DNAH11: variants seen among roughly 807,000 people sequenced by gnomAD.
DNAH11 encodes axonemal beta dynein heavy chain 11.
A neutral mutation model predicts 526.0 loss-of-function variants in DNAH11; 442 were observed. That is an observed-to-expected ratio of 0.84 (90% CI 0.78 to 0.91). DNAH11 has a LOEUF of 0.91. DNAH11 is among the 40% of genes least tolerant of loss of function. The probability of loss-of-function intolerance (pLI) is 0.00; values close to 1 mark genes in which losing one functional copy is unlikely to be tolerated. For missense variants in DNAH11, 6,989 were observed against 5,448.7 expected (o/e 1.28, Z -8.90); for synonymous variants, 2,461 against 1,935.9 (o/e 1.27, Z -7.12).
chr7:21,886,549 A>G (rs1177438508), intron 76 of DNAH11, among the ~76,000 whole-genome samples: 1 of 152,162 alleles, frequency 6.6e-6, no homozygotes, highest in Non-Finnish European at 1.5e-5. Flanking sequence ...TCCTCAGGAA[A>G]GGTCTGGGAG....
chr7:21,731,117 C>G (rs949265069), intron 45 of DNAH11, among the ~76,000 whole-genome samples: 2 of 151,808 alleles, frequency 1.3e-5, no homozygotes, highest in Non-Finnish European at 2.9e-5. Flanking sequence ...GGACTCCATC[C>G]TGGGCAACAA....
At position 21,650,540 on chromosome 7, in the gene DNAH11, G is replaced by A. The variant is rs193055389; in HGVS notation, c.4945-5292G>A. ...ATACTGATTTAACTAGCTTCTAGAA[G>A]GCCTTTTTTTTTTTTTTTTCCAATT... On this transcript the variant is annotated intron_variant, in intron 28 of 81. Coordinates refer to ENST00000409508, the MANE Select transcript of DNAH11 (RefSeq NM_001277115.2). Among the ~76,000 whole-genome samples, 357 of 138,056 alleles carry A rather than the reference G, an allele frequency of 2.6e-3. 1 individual carries two copies. Among genetic ancestry groups the A allele is most frequent in the African/African-American group, 9.8e-3 (341 of 34,860 alleles). The allele number at this position is 138,056 out of a possible 152,430, so 90.6% of individuals were successfully genotyped here. A position where few individuals can be genotyped will look rare whatever the true frequency, so the allele number is the denominator to read the frequency against.
At chr7:21,662,561 G>A (rs1443757888) in intron 30 of DNAH11, among the ~76,000 whole-genome samples, 2 of 152,034 alleles carry the variant, frequency 1.3e-5, no homozygotes, top group African/African-American at 2.4e-5. Flanking sequence ...ATGATGGAAT[G>A]GCTAAATCAG....
intron 68 of DNAH11, among the ~76,000 whole-genome samples, chr7:21,861,340 C>T (rs1783055833): frequency 6.6e-6 from 1 of 152,188 alleles, no homozygotes; most frequent in Admixed American, 6.5e-5. Flanking sequence ...CTTTTGTAAT[C>T]TTACGTGAAG....
At chr7:21,615,373 G>A (rs1280191382) in intron 21 of DNAH11, 101 bp downstream of exon 21, 1 of 1,291,154 alleles carries the variant, frequency 7.7e-7, no homozygotes, top group Non-Finnish European at 1.0e-6. Flanking sequence ...ATAATGTCTT[G>A]AAATATGTGG....
rs1789804608 is a variant in DNAH11, at chr7:21,816,612, C to T, written c.10478C>T (p.Pro3493Leu). 1 of 1,613,742 alleles carries T rather than the reference C, an allele frequency of 6.2e-7. No homozygotes were observed. The highest frequency in any genetic ancestry group is 2.2e-5 in the East Asian group (1 of 44,878). ...ATCCTAACACACTGTGAGCGCTGGC[C>T]TCTGGTGATAGATCCCCAGCAACAG... is the stretch of plus-strand genomic sequence containing the variant. ...AAILTHCERW[P>L]LVIDPQQQGI... The change falls in exon 64 of 82, where the codon CCT becomes CTT. Residue 3493 changes from proline (P) to leucine (L), a missense_variant. Coordinates refer to ENST00000409508, the MANE Select transcript of DNAH11 (RefSeq NM_001277115.2).
At position 21,601,596 on chromosome 7, in the gene DNAH11, A is replaced by C; in HGVS notation, c.3626A>C (p.Glu1209Ala). 1 of 1,594,346 alleles carries C rather than the reference A, an allele frequency of 6.3e-7. No homozygotes were observed. The highest frequency in any genetic ancestry group is 8.6e-7 in the Non-Finnish European group (1 of 1,165,910). The change falls in exon 18 of 82, where the codon GAG (glutamate) becomes GCG (alanine). Residue 1209 changes from glutamate (E) to alanine (A), a missense_variant. Coordinates refer to ENST00000409508, the MANE Select transcript of DNAH11 (RefSeq NM_001277115.2). ...LLESYGQKMP[E>A]QVYIQLEELP... ...GAAAGCTATGGCCAGAAGATGCCTG[A>C]GCAGGTCTATATTCAGCTAGAGGTA... is the stretch of plus-strand genomic sequence containing the variant.
At chr7:21,888,862 TTC>T (rs1784227238) in intron 76 of DNAH11, among the ~76,000 whole-genome samples, 1 of 152,216 alleles carries the variant, frequency 6.6e-6, no homozygotes, top group Non-Finnish European at 1.5e-5. Context: ...ATTCTATCGA[TTC>T]TTTTTGTTTT....
At chr7:21,614,967 C>A in intron 20 of DNAH11, 147 bp from the exon 21 acceptor site, 1 of 919,352 alleles carries the variant, frequency 1.1e-6, no homozygotes, top group Non-Finnish European at 1.6e-6. Context: ...CTAAAACCTA[C>A]ATTTTGCCAG....
chr7:21,810,342 C>T (rs1231101256), intron 63 of DNAH11, among the ~76,000 whole-genome samples: 1 of 152,164 alleles, frequency 6.6e-6, no homozygotes, highest in East Asian at 1.9e-4. Context: ...ACACTGTCAT[C>T]TCAGTTGATT....
At chr7:21,890,697 C>G (rs763375636) in intron 76 of DNAH11, among the ~76,000 whole-genome samples, 1 of 152,062 alleles carries the variant, frequency 6.6e-6, no homozygotes, top group Non-Finnish European at 1.5e-5. Flanking sequence ...GTTTAACTCT[C>G]CTGTACCATT....
Position 21,599,819 on chromosome 7 carries a change from T to C in DNAH11, c.2700T>C (p.Ser900=). Residue 900 remains serine, a synonymous_variant, in exon 15 of 82, where the codon TCT becomes TCC. Transcript: ENST00000409508. Reference sequence around the variant, plus strand: ...GGAAGCTCTTCAAAGCCAATCCCTCTCTGGATACCTGGAAAATTTATGTAG... The same window carrying C: ...GGAAGCTCTTCAAAGCCAATCCCTCCCTGGATACCTGGAAAATTTATGTAG... ...ENRKLFKANP[S]LDTWKIYVEF... 1 of 1,589,742 alleles carries C rather than the reference T, an allele frequency of 6.3e-7. No individual in the cohort carries two copies. Among genetic ancestry groups the C allele is most frequent in the Admixed American group, 1.7e-5 (1 of 58,498 alleles).
intron 30 of DNAH11, among the ~76,000 whole-genome samples, chr7:21,679,134 C>G (rs764974766): frequency 2.0e-5 from 3 of 151,734 alleles, no homozygotes; most frequent in African/African-American, 4.8e-5. Context: ...GTGAAATAAG[C>G]TAAACACAGA....
chr7:21,582,052 G>C (rs759979632), intron 9 of DNAH11, 31 bp downstream of exon 9: 8 of 1,420,718 alleles, frequency 5.6e-6, no homozygotes, highest in Non-Finnish European at 6.9e-6. Context: ...CATAAAAAAC[G>C]TTTACTATGA....
rs770532527 is a variant in DNAH11 at position 21,738,784 on chromosome 7, G to C, written c.7729G>C (p.Asp2577His). Residue 2577 changes from aspartate to histidine, a missense_variant, in exon 47 of 82, where the codon GAC becomes CAC. By Grantham distance (81) the Asp-to-His change is moderately conservative. Coordinates refer to ENST00000409508, the MANE Select transcript of DNAH11 (RefSeq NM_001277115.2). ...GNKKLIYFIDDMNMPEVDLYG... is the reference protein window; with the variant it reads ...GNKKLIYFIDHMNMPEVDLYG... ...TAAAAAATTGATTTATTTTATCGAC[G>C]ACATGAACATGCCTGAAGTGGACTT... 5 of 1,598,500 alleles carry C rather than the reference G, an allele frequency of 3.1e-6. No individual in the cohort carries two copies. Among genetic ancestry groups the C allele is most frequent in the Admixed American group, 3.4e-5 (2 of 58,392 alleles).
Position 21,687,126 on chromosome 7 carries a change from T to G in DNAH11, c.5649T>G (p.Leu1883=), listed in dbSNP as rs1468575572. The part of the protein sequence containing the change: ...DRCYITLTQS[L]HLTMSGAPAG... Reference sequence around the variant, plus strand: ...GTTATATTACCTTAACTCAATCACTTCATCTAACCATGAGTGGGGCTCCTG... The same window carrying G: ...GTTATATTACCTTAACTCAATCACTGCATCTAACCATGAGTGGGGCTCCTG... The change falls in exon 33 of 82, where the codon CTT becomes CTG. Residue 1883 remains leucine (L), a synonymous_variant. Coordinates refer to ENST00000409508, the MANE Select transcript of DNAH11 (RefSeq NM_001277115.2). The G allele has an allele frequency of 1.2e-5, 19 of 1,613,424 alleles. No individual in the cohort carries two copies. Among genetic ancestry groups the G allele is most frequent in the Non-Finnish European group, 1.6e-5 (19 of 1,179,652 alleles).
At chr7:21,594,259 C>T (rs528693848) in intron 14 of DNAH11, among the ~76,000 whole-genome samples, 113 of 152,262 alleles carry the variant, frequency 7.4e-4, no homozygotes, top group African/African-American at 2.3e-3. Context: ...AAATAGATTA[C>T]GGTTTTCCTG....
chr7:21,629,993 C>CT (rs1412400443), intron 25 of DNAH11, among the ~76,000 whole-genome samples: 1 of 151,852 alleles, frequency 6.6e-6, no homozygotes, highest in Non-Finnish European at 1.5e-5. Flanking sequence ...TTCTTTTTTA[C>CT]TTTTTTACTG....
intron 63 of DNAH11, among the ~76,000 whole-genome samples, chr7:21,812,221 A>G (rs2127998395): frequency 6.6e-6 from 1 of 152,328 alleles, no homozygotes; most frequent in South Asian, 2.1e-4. Flanking sequence ...CATTCATAAG[A>G]TGGGGAAATA....
Sources: gnomAD v4.1 joint callset for allele counts (sites outside exome capture counted in the v4.1 genomes callset) on GRCh38, gnomAD v4.1.1 for gene constraint, MANE v1.5 for transcripts, NCBI Gene and HGNC (gene_info 2026-07-23, HGNC 2026-07-21) for gene names.